Variants in DNM3 observed in about 807,000 individuals in gnomAD.
DNM3 encodes the protein dynamin-3.
A neutral mutation model predicts 101.6 loss-of-function variants in DNM3; 47 were observed. The observed-to-expected ratio is 0.46, with a 90% confidence interval of 0.37 to 0.59. The LOEUF is 0.59. DNM3 is among the 20% of genes least tolerant of loss of function. The probability of loss-of-function intolerance (pLI) is 0.00; values close to 1 mark genes in which losing one functional copy is unlikely to be tolerated. For missense variants in DNM3, 849 were observed against 1,085.7 expected, an observed-to-expected ratio of 0.78 and a Z score of 3.06; for synonymous variants, 385 against 387.9, an observed-to-expected ratio of 0.99 and a Z score of 0.09.
At chr1:172,027,496 G>T (rs993535416) in intron 4 of DNM3, among the ~76,000 whole-genome samples, 3 of 151,944 alleles carry the variant, frequency 2.0e-5, no homozygotes, top group African/African-American at 2.4e-5. Context: ...CAGGAGAATC[G>T]CTGGAACCCG....
At chr1:171,888,893 A>C (rs996430069) in intron 1 of DNM3, among the ~76,000 whole-genome samples, 17 of 152,190 alleles carry the variant, frequency 1.1e-4, no homozygotes, top group South Asian at 6.2e-4. Context: ...CTTAGAAACA[A>C]AGTAGATATT....
rs1264153947 is a variant in DNM3, at chr1:172,408,415, G to C, written c.*574G>C. The C allele has an allele frequency of 1.0e-6, 1 of 985,648 alleles. No individual in the cohort carries two copies. The highest frequency in any genetic ancestry group is 6.1e-5 in the Admixed American group (1 of 16,330). 61.1% of individuals were successfully genotyped at this position (985,648 alleles called of 1,614,324 possible). A position where few individuals can be genotyped will look rare whatever the true frequency, so the allele number is the denominator to read the frequency against. ...TAAACTTTTCCAGAAGCACGAGGTA[G>C]TTTGCAAAGGAAAAGTCTGCACTGT... On this transcript the variant is annotated 3_prime_UTR_variant, in exon 21 of 21. Coordinates refer to ENST00000627582, the MANE Select transcript of DNM3 (RefSeq NM_015569.5).
intron 14 of DNM3, among the ~76,000 whole-genome samples, chr1:172,228,624 A>G (rs1446221525): frequency 6.6e-6 from 1 of 152,138 alleles, no homozygotes; most frequent in Non-Finnish European, 1.5e-5. Context: ...CTCTCATAAA[A>G]TTGTTCCAAA....
In DNM3 at chr1:171,987,662, C is replaced by T; in HGVS notation, c.242C>T (p.Ala81Val). Residue 81 changes from alanine to valine, a missense_variant, in exon 3 of 21, where the codon GCC becomes GTC. Ala to Val is a moderately conservative substitution (Grantham distance 64). This residue lies in a region of DNM3 where 388 missense variants were observed against 483.0 expected (regional missense o/e 0.80). Coordinates refer to ENST00000627582, the MANE Select transcript of DNM3 (RefSeq NM_015569.5). ...LQLVTSKAEY[A>V]EFLHCKGKKF... ...TTTGGTTTTATTTTTGTAGAATATG[C>T]CGAGTTTCTACATTGCAAAGGAAAG... The T allele has an allele frequency of 6.4e-7, 1 of 1,570,626 alleles. No homozygotes were observed. Among genetic ancestry groups the T allele is most frequent in the Non-Finnish European group, 8.6e-7 (1 of 1,163,046 alleles).
At position 172,214,854 on chromosome 1, in the gene DNM3, G is replaced by A. The variant is rs2060637543; in HGVS notation, c.1660-38719G>A. Among the ~76,000 whole-genome samples, 4 of 152,012 alleles carry A rather than the reference G, an allele frequency of 2.6e-5. No individual in the cohort carries two copies. The South Asian group carries it at 8.3e-4, about 32-fold the overall frequency. The stretch of plus-strand genomic sequence containing the variant: ...AAATTAGTCCTTCTTTCCTTTTACA[G>A]CTGCCAGTGGAGGGCATATTGATCA... On this transcript the variant is annotated intron_variant, in intron 14 of 20. Transcript: ENST00000627582.
chr1:172,216,490 A>G (rs886967946), intron 14 of DNM3, among the ~76,000 whole-genome samples: 6 of 152,148 alleles, frequency 3.9e-5, no homozygotes, highest in Non-Finnish European at 8.8e-5. Flanking sequence ...TAAAGTCATG[A>G]CTAGATAAAA....
At chr1:172,163,519 T>C (rs1270214272) in intron 14 of DNM3, among the ~76,000 whole-genome samples, 2 of 152,064 alleles carry the variant, frequency 1.3e-5, no homozygotes, top group Non-Finnish European at 2.9e-5. Flanking sequence ...ATTACAGGCG[T>C]GAGCCACTGT....
chr1:172,356,079 C>T (rs2067438540), intron 17 of DNM3, among the ~76,000 whole-genome samples: 1 of 152,048 alleles, frequency 6.6e-6, no homozygotes, highest in African/African-American at 2.4e-5. Context: ...CACTGCCAAG[C>T]TACAGCTGAA....
intron 12 of DNM3, among the ~76,000 whole-genome samples, chr1:172,090,086 G>T (rs1485242694): frequency 6.6e-6 from 1 of 152,166 alleles, no homozygotes; most frequent in African/African-American, 2.4e-5. Context: ...GAAGGGGACT[G>T]ATACATAATT....
chr1:172,107,637 T>C (rs997382267), intron 13 of DNM3, among the ~76,000 whole-genome samples: 1 of 152,210 alleles, frequency 6.6e-6, no homozygotes, highest in African/African-American at 2.4e-5. Flanking sequence ...GACCAGAATG[T>C]TCTTTTGGAA....
intron 16 of DNM3, among the ~76,000 whole-genome samples, chr1:172,316,514 C>T (rs1269797231): frequency 6.6e-6 from 1 of 151,978 alleles, no homozygotes; most frequent in East Asian, 1.9e-4. Flanking sequence ...CAGAGACACA[C>T]ATAGGCTCAA....
At chr1:171,931,785 C>T (rs189010118) in intron 2 of DNM3, among the ~76,000 whole-genome samples, 118 of 152,232 alleles carry the variant, frequency 7.8e-4, no homozygotes, top group Admixed American at 1.8e-3. Flanking sequence ...CCTGGCAGGG[C>T]TGTAGTCCTC....
chr1:172,220,856 G>T (rs990312581), intron 14 of DNM3, among the ~76,000 whole-genome samples: 1 of 152,070 alleles, frequency 6.6e-6, no homozygotes, highest in African/African-American at 2.4e-5. Context: ...GTTAATAAAA[G>T]CGTGCCATAA....
At chr1:172,177,447 G>A (rs2059193749) in intron 14 of DNM3, among the ~76,000 whole-genome samples, 1 of 151,846 alleles carries the variant, frequency 6.6e-6, no homozygotes, top group African/African-American at 2.4e-5. Flanking sequence ...ACAATTCAAG[G>A]TTTTGGACAT....
chr1:172,394,682 G>A (rs1006611225), intron 20 of DNM3, among the ~76,000 whole-genome samples: 1 of 152,174 alleles, frequency 6.6e-6, no homozygotes, highest in African/African-American at 2.4e-5. Flanking sequence ...ACCAAGCCCT[G>A]CCCTGAGTTT....
chr1:172,097,916 G>A (rs1278453693), intron 13 of DNM3, among the ~76,000 whole-genome samples: 1 of 151,490 alleles, frequency 6.6e-6, no homozygotes, highest in Non-Finnish European at 1.5e-5. Context: ...GTTTTTATTA[G>A]TGATTTTCAA....
chr1:172,280,849 G>A (rs760481575), intron 15 of DNM3, among the ~76,000 whole-genome samples: 1 of 152,142 alleles, frequency 6.6e-6, no homozygotes, highest in Non-Finnish European at 1.5e-5. Flanking sequence ...AGTGAGAGAT[G>A]AAAGGAATGG....
At chr1:171,980,039 A>G (rs1272227463) in intron 2 of DNM3, among the ~76,000 whole-genome samples, 1 of 150,976 alleles carries the variant, frequency 6.6e-6, no homozygotes, top group East Asian at 1.9e-4. Flanking sequence ...AAATCTTGGC[A>G]CCCTCCACTT....
At chr1:172,093,215 G>C (rs900206483) in intron 13 of DNM3, among the ~76,000 whole-genome samples, 33 of 152,146 alleles carry the variant, frequency 2.2e-4, no homozygotes, top group African/African-American at 7.0e-4. Flanking sequence ...AAAATGTGGT[G>C]AGTAGTTGCA....
Sources: gnomAD v4.1 joint callset for allele counts (sites outside exome capture counted in the v4.1 genomes callset) on GRCh38, gnomAD v4.1.1 for gene constraint, gnomAD v4.1.1 regional missense constraint, MANE v1.5 for transcripts, NCBI Gene and HGNC (gene_info 2026-07-23, HGNC 2026-07-21) for gene names.